Variants in DOCK9 observed in about 807,000 individuals in gnomAD.
DOCK9 encodes the protein dedicator of cytokinesis protein 9.
In DOCK9, 89 loss-of-function variants were observed where a neutral mutation model predicts 263.3. The ratio of observed to expected loss-of-function variants is 0.34; its 90% confidence interval spans 0.28 to 0.40. The LOEUF is 0.40. Ranked by LOEUF, DOCK9 falls within the 10% of genes least tolerant of loss-of-function variation. The pLI is 1.00. For missense variants in DOCK9, 2,140 were observed against 2,603.4 expected (o/e 0.82, Z 3.87); for synonymous variants, 976 against 973.1 (o/e 1.00, Z -0.06).
intron 39 of DOCK9, chr13:98,833,222 A>AAAAAAT (rs1555352145): frequency 6.8e-6 from 1 of 146,652 alleles, no homozygotes; most frequent in Non-Finnish European, 1.5e-5. Context: ...AAAAAAAAAA[A>AAAAAAT]GATTTCCAGT....
intron 1 of DOCK9, among the ~76,000 whole-genome samples, chr13:99,068,690 A>T (rs1417359473): frequency 1.3e-5 from 2 of 151,976 alleles, no homozygotes; most frequent in African/African-American, 4.8e-5. Context: ...AAAATCATTT[A>T]ACAGCAGTTA....
At chr13:98,902,010 A>G in intron 12 of DOCK9, 110 bp from the exon 13 acceptor site, 1 of 1,346,680 alleles carries the variant, frequency 7.4e-7, no homozygotes, top group South Asian at 1.4e-5. Context: ...AGTAAAAAGC[A>G]CCCAGTGCCA....
chr13:98,877,902 A>G (rs1289259706), intron 27 of DOCK9, among the ~76,000 whole-genome samples: 1 of 152,186 alleles, frequency 6.6e-6, no homozygotes, highest in Non-Finnish European at 1.5e-5. Flanking sequence ...GTTTATTTAG[A>G]GCCAAAAATA....
chr13:98,843,096 CAA>C (rs2093278675), intron 38 of DOCK9, among the ~76,000 whole-genome samples: 1 of 152,158 alleles, frequency 6.6e-6, no homozygotes, highest in Admixed American at 6.5e-5. Context: ...TGAGTTCTGA[CAA>C]AGCCTTTCCT....
chr13:98,909,995 C>T (rs933265929), intron 9 of DOCK9, among the ~76,000 whole-genome samples: 1 of 152,164 alleles, frequency 6.6e-6, no homozygotes, highest in African/African-American at 2.4e-5. Context: ...AGAAGAAATT[C>T]TACTTCTCTT....
chr13:98,797,543 A>G, intron 50 of DOCK9, 54 bp from the exon 51 acceptor site: 1 of 1,479,284 alleles, frequency 6.8e-7, no homozygotes, highest in Admixed American at 1.9e-5. Context: ...CACCATGACC[A>G]TCTGCTCAGT....
intron 4 of DOCK9, among the ~76,000 whole-genome samples, chr13:98,924,150 A>T (rs1176548908): frequency 6.6e-6 from 1 of 152,366 alleles, no homozygotes; most frequent in Non-Finnish European, 1.5e-5. Flanking sequence ...GGGAAGAATT[A>T]AAAAATCCCT....
intron 1 of DOCK9, among the ~76,000 whole-genome samples, chr13:98,999,950 G>A (rs1167937768): frequency 1.3e-5 from 2 of 152,144 alleles, no homozygotes; most frequent in Admixed American, 6.5e-5. Flanking sequence ...ACCACTCCCT[G>A]CCTTGTTATT....
In DOCK9 at chr13:98,919,171, G is replaced by A. The variant is rs527387813; in HGVS notation, c.717+1783C>T. Among the ~76,000 whole-genome samples, 5 of 151,132 alleles carry A rather than the reference G, an allele frequency of 3.3e-5. No individual in the cohort carries two copies. The South Asian group carries it at 1.0e-3, about 32-fold the overall frequency. On this transcript the variant is annotated intron_variant, in intron 7 of 52. Transcript: ENST00000682017. The stretch of plus-strand genomic sequence containing the variant: ...GTCACCCAGGCTAGAGTGCAATGGC[G>A]CAATCTCAGCTCACTGCAACCTCCG...
chr13:98,940,253 C>T (rs2055593305), intron 2 of DOCK9, among the ~76,000 whole-genome samples: 1 of 152,142 alleles, frequency 6.6e-6, no homozygotes, highest in Admixed American at 6.5e-5. Context: ...CCTAAAGAGC[C>T]TCGATGTTTA....
At chr13:98,882,973 C>T (rs1566838191) in intron 23 of DOCK9, 69 bp downstream of exon 23, 1 of 1,344,740 alleles carries the variant, frequency 7.4e-7, no homozygotes, top group African/African-American at 1.5e-5. Context: ...ACACCACTCA[C>T]CACCAAAGAG....
chr13:98,845,233 A>G, intron 38 of DOCK9: 1 of 812,106 alleles, frequency 1.2e-6, no homozygotes, highest in South Asian at 1.5e-5. Flanking sequence ...TAAAGTTAGA[A>G]AGCCCCAAAG....
chr13:98,996,101 T>A (rs1880974895), intron 1 of DOCK9, among the ~76,000 whole-genome samples: 2 of 152,172 alleles, frequency 1.3e-5, no homozygotes, highest in Admixed American at 6.5e-5. Flanking sequence ...GCAGATGGCA[T>A]ATGGACATAT....
In DOCK9 at chr13:98,825,871, C is replaced by A; in HGVS notation, c.5023+959G>T. On this transcript the variant is annotated intron_variant, in intron 44 of 52. Transcript: ENST00000682017. This position sits in a 1 kb window ranked among gnomAD's most constrained non-coding sequence, Gnocchi z 4.1. ...GGGGCTGGGCTGATCCTCAGGCTCACCTCCCCGGCTCCTCCTCAGGCAGGC... is the reference window on the plus strand; with the variant it reads ...GGGGCTGGGCTGATCCTCAGGCTCAACTCCCCGGCTCCTCCTCAGGCAGGC... The A allele has an allele frequency of 3.3e-6, 5 of 1,530,554 alleles. No homozygotes were observed. The highest frequency in any genetic ancestry group is 4.4e-6 in the Non-Finnish European group (5 of 1,135,860). The allele number at this position is 1,530,554 out of a possible 1,614,324, so 94.8% of individuals were successfully genotyped here. A position where few individuals can be genotyped will look rare whatever the true frequency, so the allele number is the denominator to read the frequency against.
In DOCK9 at chr13:98,915,333, G is replaced by A. The variant is rs56030101; in HGVS notation, c.888C>T (p.His296=). The A allele has an allele frequency of 8.7e-4, 1,408 of 1,613,430 alleles. 1 individual carries two copies. The highest frequency in any genetic ancestry group is 1.1e-3 in the Non-Finnish European group (1,307 of 1,179,660). The change falls in exon 8 of 53, where the codon CAC becomes CAT. Residue 296 remains histidine (H), a synonymous_variant. Coordinates refer to ENST00000682017, the MANE Select transcript of DOCK9 (RefSeq NM_001366683.2). ...AMQEKRNGDS[H]EDDEQSKLEG... ...GGGGAAGCCAAGCCTATCTACCTTCGTGAGAGTCGCCATTTCGCTTTTCTT... is the reference window on the plus strand; with the variant it reads ...GGGGAAGCCAAGCCTATCTACCTTCATGAGAGTCGCCATTTCGCTTTTCTT...
chr13:99,024,813 C>T (rs1290121521), intron 1 of DOCK9, among the ~76,000 whole-genome samples: 1 of 152,072 alleles, frequency 6.6e-6, no homozygotes, highest in African/African-American at 2.4e-5. Context: ...AGGGGAAGTG[C>T]AATTTTTCAA....
chr13:99,078,585 G>C (rs148380702), intron 1 of DOCK9, among the ~76,000 whole-genome samples: 1 of 152,296 alleles, frequency 6.6e-6, no homozygotes, highest in East Asian at 1.9e-4. Flanking sequence ...TGGGTCAGTA[G>C]AGCCAAGAAG....
At chr13:99,081,949 G>A (rs1463087419) in intron 1 of DOCK9, among the ~76,000 whole-genome samples, 1 of 152,148 alleles carries the variant, frequency 6.6e-6, no homozygotes, top group Non-Finnish European at 1.5e-5. Context: ...TATAAAAGCA[G>A]CTTAGGGCTG....
At chr13:99,020,282 C>T (rs930741623) in intron 1 of DOCK9, among the ~76,000 whole-genome samples, 1 of 152,168 alleles carries the variant, frequency 6.6e-6, no homozygotes, top group Non-Finnish European at 1.5e-5. Context: ...AAAACAGCAC[C>T]TTGCTTGATA....
Sources: allele counts gnomAD v4.1 joint callset (sites outside exome capture counted in the v4.1 genomes callset), GRCh38; gene constraint gnomAD v4.1.1; non-coding constraint Gnocchi (gnomAD v3.1); transcripts MANE v1.5; gene names NCBI Gene and HGNC (gene_info 2026-07-23, HGNC 2026-07-21).